Variants in FCMR observed in about 807,000 individuals in gnomAD.
The protein encoded by FCMR is immunoglobulin mu Fc receptor.
A neutral mutation model predicts 41.6 loss-of-function variants in FCMR; 34 were observed. The ratio of observed to expected loss-of-function variants is 0.82; its 90% CI spans 0.62 to 1.09. The LOEUF (loss-of-function observed/expected upper bound fraction) is 1.09. FCMR is among the 50% of genes least tolerant of loss of function. The pLI is 0.00. For synonymous variants in FCMR, 209 were observed against 211.8 expected (o/e 0.99, Z 0.12); for missense variants, 496 against 512.5 (o/e 0.97, Z 0.31).
At chr1:206,918,020 C>T (rs1291409753) in intron 1 of FCMR, among the ~76,000 whole-genome samples, 1 of 152,180 alleles carries the variant, frequency 6.6e-6, no homozygotes, top group Non-Finnish European at 1.5e-5. Context: ...TTCGCTAAAT[C>T]AGATTCACTT....
chr1:206,916,301 G>A (rs543635209), intron 1 of FCMR, among the ~76,000 whole-genome samples: 1 of 152,348 alleles, frequency 6.6e-6, no homozygotes, highest in East Asian at 1.9e-4. Flanking sequence ...GCCCCCACCT[G>A]TGTGGGAAGT....
intron 2 of FCMR, 51 bp downstream of exon 2, chr1:206,913,708 A>T (rs72758947): frequency 2.9e-5 from 43 of 1,465,578 alleles, no homozygotes; most frequent in Non-Finnish European, 4.1e-5. Context: ...AATCTTCCCA[A>T]GTGAAACATT....
At position 206,919,297 on chromosome 1, in the gene FCMR, C is replaced by T. The variant is rs1297606688; in HGVS notation, c.37+2521G>A. ...GTCATGTGGACAGGGAATTCTAGTT[C>T]TAAAAGAGAGAGTTTGGGTAGGGCA... On this transcript the variant is annotated intron_variant, in intron 1 of 7. Coordinates refer to ENST00000367091, the MANE Select transcript of FCMR (RefSeq NM_005449.5). Among the ~76,000 whole-genome samples, 4 of 152,092 alleles carry T rather than the reference C, an allele frequency of 2.6e-5. No individual in the cohort carries two copies. The East Asian group carries it at 7.7e-4, about 29-fold the overall frequency.
At chr1:206,918,165 C>T (rs1437131072) in intron 1 of FCMR, among the ~76,000 whole-genome samples, 1 of 152,092 alleles carries the variant, frequency 6.6e-6, no homozygotes, top group South Asian at 2.1e-4. Flanking sequence ...CTTCATTTCC[C>T]CTCATCCTCT....
intron 1 of FCMR, chr1:206,921,244 TG>T: frequency 5.3e-6 from 1 of 189,226 alleles, no homozygotes; most frequent in South Asian, 9.1e-5. Context: ...CGGAGACACT[TG>T]CTTTAAGATC....
chr1:206,914,310 T>TTTCCTTCCTTCC (rs139221448), intron 1 of FCMR, among the ~76,000 whole-genome samples: 2,196 of 145,616 alleles, frequency 0.015, 18 homozygotes, highest in Admixed American at 0.021. Flanking sequence ...TTTTCTTTTC[T>TTTCCTTCCTTCC]TTCCTTCCTT....
intron 1 of FCMR, among the ~76,000 whole-genome samples, chr1:206,921,141 T>A (rs901264244): frequency 2.6e-5 from 4 of 152,210 alleles, no homozygotes; most frequent in African/African-American, 9.6e-5. Context: ...AGCTACTGAA[T>A]GGATTACGGA....
At chr1:206,914,837 C>T (rs1013215695) in intron 1 of FCMR, among the ~76,000 whole-genome samples, 2 of 152,148 alleles carry the variant, frequency 1.3e-5, no homozygotes, top group Non-Finnish European at 2.9e-5. Flanking sequence ...TTAGCGTTAC[C>T]TTAATTTAAC....
chr1:206,905,309 G>A (rs918815346), intron 7 of FCMR, among the ~76,000 whole-genome samples, 162 bp from the exon 8 acceptor site: 3 of 151,976 alleles, frequency 2.0e-5, no homozygotes, highest in Non-Finnish European at 4.4e-5. Flanking sequence ...GTAGCCCTGG[G>A]GATTTTCAGG....
At chr1:206,915,719 A>T (rs1255372319) in intron 1 of FCMR, among the ~76,000 whole-genome samples, 2 of 152,046 alleles carry the variant, frequency 1.3e-5, no homozygotes, top group African/African-American at 4.8e-5. Flanking sequence ...GGGAGAAGAG[A>T]TTCTTCCAAA....
At chr1:206,921,948 G>T, upstream of FCMR, 1 of 1,154,180 alleles carries the variant, frequency 8.7e-7, no homozygotes, top group South Asian at 1.3e-5. Flanking sequence ...ATCTGGAACT[G>T]GAAAGAGATT....
intron 1 of FCMR, 63 bp from the exon 2 acceptor site, chr1:206,914,157 A>G (rs1679075956): frequency 7.7e-7 from 1 of 1,303,698 alleles, no homozygotes; most frequent in South Asian, 1.2e-5. Flanking sequence ...AGCCCCATCT[A>G]CTTCCCAGCT....
Position 206,921,892 on chromosome 1 carries a change from T to A in FCMR, c.-38A>T. 2 of 1,603,124 alleles carry A rather than the reference T, an allele frequency of 1.2e-6. No homozygotes were observed. The highest frequency in any genetic ancestry group is 1.7e-6 in the Non-Finnish European group (2 of 1,170,284). On this transcript the variant is annotated 5_prime_UTR_variant, in exon 1 of 8. Coordinates refer to ENST00000367091, the MANE Select transcript of FCMR (RefSeq NM_005449.5). ...AGTGCAAGGTCCATCCAAGAGCCCC[T>A]AGAGAGGGGGATGGAGACACGCTGC... is the stretch of plus-strand genomic sequence containing the variant.
At chr1:206,911,062 C>T (rs1009131617) in intron 4 of FCMR, among the ~76,000 whole-genome samples, 1 of 152,006 alleles carries the variant, frequency 6.6e-6, no homozygotes, top group South Asian at 2.1e-4. Context: ...TGCTGGTTGA[C>T]CTTGATGTTT....
At chr1:206,917,393 T>C (rs978585125) in intron 1 of FCMR, among the ~76,000 whole-genome samples, 2 of 152,096 alleles carry the variant, frequency 1.3e-5, no homozygotes, top group African/African-American at 4.8e-5. Context: ...GCTTCTTATT[T>C]CCAGATATAG....
chr1:206,905,412 C>A (rs1678592260), intron 7 of FCMR, among the ~76,000 whole-genome samples: 1 of 152,104 alleles, frequency 6.6e-6, no homozygotes, highest in African/African-American at 2.4e-5. Flanking sequence ...TAAGCATGGG[C>A]CTGAAAGAGA....
chr1:206,917,117 C>T lies in FCMR; in HGVS notation c.38-3023G>A, dbSNP rs557200744. ...TAAAGAATCACTCTCAATATATAAA[C>T]GGATGTAAATACATGATTGGAAAAT... On this transcript the variant is annotated intron_variant, in intron 1 of 7. Transcript: ENST00000367091. Among the ~76,000 whole-genome samples, 13 of 152,226 alleles carry T rather than the reference C, an allele frequency of 8.5e-5. 1 individual carries two copies. The highest frequency in any genetic ancestry group is 8.3e-4 in the South Asian group (4 of 4,824).
intron 7 of FCMR, chr1:206,908,055 C>A (rs1678754170): frequency 1.7e-6 from 2 of 1,175,910 alleles, no homozygotes; most frequent in African/African-American, 1.5e-5. Flanking sequence ...ACGATGGTGG[C>A]TGGAAGTACC....
intron 2 of FCMR, 52 bp downstream of exon 2, chr1:206,913,707 A>G (rs967684083): frequency 1.4e-5 from 21 of 1,456,034 alleles, no homozygotes; most frequent in South Asian, 4.6e-5. Context: ...CAATCTTCCC[A>G]AGTGAAACAT....
Sources: gnomAD v4.1 joint callset for allele counts (sites outside exome capture counted in the v4.1 genomes callset) on GRCh38, gnomAD v4.1.1 for gene constraint, MANE v1.5 for transcripts, NCBI Gene and HGNC (gene_info 2026-07-23, HGNC 2026-07-21) for gene names.